The following BCLAF1 variants were observed in gnomAD, a reference collection of about 807,000 sequenced individuals.
The protein encoded by BCLAF1 is BCL2 associated transcription factor 1.
In BCLAF1, 10 loss-of-function variants were observed where a neutral mutation model predicts 99.5. That is an observed-to-expected ratio of 0.10 (90% CI 0.06 to 0.17). The LOEUF (loss-of-function observed/expected upper bound fraction) is 0.17, where lower values mean the gene tolerates loss of function less well. Among genes scored for constraint, BCLAF1 ranks in the 10% least tolerant of loss-of-function variants. The pLI, the probability that BCLAF1 is intolerant of heterozygous loss-of-function variation, is 1.00. For synonymous variants in BCLAF1, 255 were observed against 370.9 expected (o/e 0.69, Z 3.59); for missense variants, 636 against 1,105.8 (o/e 0.58, Z 6.02).
At position 136,272,018 on chromosome 6, in the gene BCLAF1, C is replaced by G. The variant is rs765223388; in HGVS notation, c.2020G>C (p.Val674Leu). 1.9e-6 allele frequency: 3 copies of G among 1,605,218 alleles called. No homozygotes were observed. Among genetic ancestry groups the G allele is most frequent in the Non-Finnish European group, 1.7e-6 (2 of 1,174,554 alleles). Reference sequence around the variant, plus strand: ...ACCTTTTGATTTTCTTCTTTAAAAACTCTCTCTTCCCCTGCTAAACGGGTA... The same window carrying G: ...ACCTTTTGATTTTCTTCTTTAAAAAGTCTCTCTTCCCCTGCTAAACGGGTA... ...KHTRLAGEER[V>L]FKEENQKGDK... Residue 674 changes from valine (V) to leucine (L), a missense_variant, in exon 8 of 13, where the codon GTT becomes CTT. Physicochemically the swap from Val to Leu is conservative, Grantham distance 32. Around this residue, in one of 9 missense-constraint regions of BCLAF1, gnomAD observed 180 missense variants for 270.0 expected, o/e 0.67. Transcript: ENST00000531224.
At chr6:136,274,129 C>T (rs1279629702) in intron 6 of BCLAF1, 1 of 1,288,804 alleles carries the variant, frequency 7.8e-7, no homozygotes, top group African/African-American at 1.5e-5. Context: ...TTGCCTGTAT[C>T]TTTCAACAGC....
Position 136,257,599 on chromosome 6 carries a change from C to A in BCLAF1, c.*3511G>T, listed in dbSNP as rs1306216172. ...CAGTGTACTAATTTTTAGTATCTAC[C>A]CCAATAAAATTTGAAACATTTAATA... On this transcript the variant is annotated 3_prime_UTR_variant, in exon 13 of 13. Coordinates refer to ENST00000531224, the MANE Select transcript of BCLAF1 (RefSeq NM_014739.3). 5 of 151,994 alleles carry A rather than the reference C, an allele frequency of 3.3e-5. No individual in the cohort carries two copies. The highest frequency in any genetic ancestry group is 5.9e-5 in the Non-Finnish European group (4 of 67,946). The allele number at this position is 151,994 out of a possible 1,614,324, so 9.4% of individuals were successfully genotyped here.
chr6:136,271,149 G>C (rs1782477480), intron 8 of BCLAF1, among the ~76,000 whole-genome samples: 1 of 151,678 alleles, frequency 6.6e-6, no homozygotes, highest in Non-Finnish European at 1.5e-5. Context: ...CTGCAAAACA[G>C]ATGCATTCTC....
At chr6:136,271,785 A>G in intron 8 of BCLAF1, 3 of 361,864 alleles carry the variant, frequency 8.3e-6, no homozygotes, top group Non-Finnish European at 5.0e-6. Flanking sequence ...TAGTGTTTTG[A>G]AAAAACACTC....
In BCLAF1 at chr6:136,278,395, C is replaced by G. The variant is rs1347270658; in HGVS notation, c.486G>C (p.Gln162His). ...CTTCAGCTTTTTTGGTTTGTTTTTC[C>G]TGAGACCCTCGTCTTTTAGAAACAG... is the stretch of plus-strand genomic sequence containing the variant. ...KSPVSKRRGS[Q>H]EKQTKKAEGE... The change falls in exon 4 of 13, where the codon CAG becomes CAC. Residue 162 changes from glutamine to histidine, a missense_variant. By Grantham distance (24) the Gln-to-His change is conservative (BLOSUM62 0). Transcript: ENST00000531224. The G allele has an allele frequency of 1.2e-6, 2 of 1,612,438 alleles. No individual in the cohort carries two copies. The highest frequency in any genetic ancestry group is 1.7e-6 in the Non-Finnish European group (2 of 1,179,538).
At chr6:136,262,233 T>C (rs187262967) in intron 11 of BCLAF1, among the ~76,000 whole-genome samples, 1 of 152,290 alleles carries the variant, frequency 6.6e-6, no homozygotes, top group East Asian at 1.9e-4. Flanking sequence ...TGAGTAGAGA[T>C]GGGTATTATA....
In BCLAF1 at chr6:136,272,069, T is replaced by A. The variant is rs764259166; in HGVS notation, c.1969A>T (p.Ile657Phe). 1 of 1,594,328 alleles carries A rather than the reference T, an allele frequency of 6.3e-7. No individual in the cohort carries two copies. Among genetic ancestry groups the A allele is most frequent in the South Asian group, 1.1e-5 (1 of 88,862 alleles). The change falls in exon 8 of 13, where the codon ATC becomes TTC. Residue 657 changes from isoleucine (I) to phenylalanine (F), a missense_variant. Around this residue, in one of 9 missense-constraint regions of BCLAF1, gnomAD observed 180 missense variants for 270.0 expected, o/e 0.67. Transcript: ENST00000531224. Reference protein sequence around the residue: ...KSPEIHRRIDISPSTLRKHTR... With the variant: ...KSPEIHRRIDFSPSTLRKHTR... ...TGCTTCCTCAGGGTACTTGGTGAGA[T>A]GTCAATTCTCCTTAATGTAAAATAA...
At chr6:136,287,242 G>A (rs763722901) in intron 1 of BCLAF1, among the ~76,000 whole-genome samples, 3 of 151,982 alleles carry the variant, frequency 2.0e-5, no homozygotes, top group African/African-American at 4.8e-5. Flanking sequence ...CCAGGGAAGC[G>A]GAGGTTGCAG....
rs1780858171 is a variant in BCLAF1, at chr6:136,260,772, CAG to C, written c.*336_*337del. ...TACTTCAGAATAAAACATTGACAAA[CAG>C]GGAAGGAAGAGAATCAGAACTTTCA... On this transcript the variant is annotated 3_prime_UTR_variant, in exon 13 of 13. Transcript: ENST00000531224. The C allele has an allele frequency of 1.1e-5, 4 of 360,506 alleles. No homozygotes were observed. Among genetic ancestry groups the C allele is most frequent in the Non-Finnish European group, 1.5e-5 (3 of 202,526 alleles). 22.3% of individuals were successfully genotyped at this position (360,506 alleles called of 1,614,324 possible).
At chr6:136,275,729 C>CAA (rs1400451389) in intron 5 of BCLAF1, 28 bp from the exon 6 acceptor site, 1 of 1,567,230 alleles carries the variant, frequency 6.4e-7, no homozygotes, top group Admixed American at 1.9e-5. Context: ...CACACACACA[C>CAA]ACAAAATATA....
rs1782191254 is a variant in BCLAF1 at position 136,269,448 on chromosome 6, G to A, written c.2208C>T (p.Tyr736=). 6.2e-6 allele frequency: 10 copies of A among 1,606,298 alleles called. No homozygotes were observed. The highest frequency in any genetic ancestry group is 8.5e-6 in the Non-Finnish European group (10 of 1,177,066). Residue 736 remains tyrosine, a synonymous_variant, in exon 9 of 13, where the codon TAC becomes TAT. Coordinates refer to ENST00000531224, the MANE Select transcript of BCLAF1 (RefSeq NM_014739.3). ...TPKDYKEYKS[Y]KDDSKHKREQ... ...GTTTGAACAATTACCTGTCATCTTT[G>A]TAAGATTTGTATTCCTTGTAATCTT... is the stretch of plus-strand genomic sequence containing the variant.
chr6:136,280,025 C>T, intron 2 of BCLAF1, 149 bp from the exon 3 acceptor site: 7 of 1,007,494 alleles, frequency 6.9e-6, no homozygotes, highest in Non-Finnish European at 9.1e-6. Context: ...ATTCAGAAGA[C>T]AAGTCAATTA....
chr6:136,286,215 G>C (rs1401420471), intron 1 of BCLAF1, among the ~76,000 whole-genome samples: 1 of 152,098 alleles, frequency 6.6e-6, no homozygotes, highest in East Asian at 1.9e-4. Flanking sequence ...CTTCATTTTA[G>C]CAGGCTCAAG....
At chr6:136,263,278 T>C (rs974656171) in intron 11 of BCLAF1, among the ~76,000 whole-genome samples, 1 of 152,122 alleles carries the variant, frequency 6.6e-6, no homozygotes, top group Non-Finnish European at 1.5e-5. Context: ...AGTATATGAT[T>C]ACCACACCAG....
rs921075161 is a variant in BCLAF1, at chr6:136,289,823, G to C, written c.-225C>G. ...CCATAGAGCTACCTTCGACGCGCTA[G>C]CACGTCTCCGTCACTTCCGATCTGG... On this transcript the variant is annotated 5_prime_UTR_variant, in exon 1 of 13. Coordinates refer to ENST00000531224, the MANE Select transcript of BCLAF1 (RefSeq NM_014739.3). 6.5e-6 allele frequency: 1 copy of C among 152,710 alleles called. No individual in the cohort carries two copies. Among genetic ancestry groups the C allele is most frequent in the Non-Finnish European group, 1.5e-5 (1 of 68,054 alleles). 9.5% of individuals were successfully genotyped at this position (152,710 alleles called of 1,614,324 possible).
chr6:136,274,399 G>A (rs1782966060), intron 6 of BCLAF1, among the ~76,000 whole-genome samples: 1 of 148,892 alleles, frequency 6.7e-6, no homozygotes, highest in African/African-American at 2.5e-5. Flanking sequence ...GGCCAAAAAA[G>A]ATTAAAAAAT....
At chr6:136,286,213 T>C (rs1785108874) in intron 1 of BCLAF1, among the ~76,000 whole-genome samples, 1 of 152,254 alleles carries the variant, frequency 6.6e-6, no homozygotes, top group Non-Finnish European at 1.5e-5. Context: ...GTCTTCATTT[T>C]AGCAGGCTCA....
At chr6:136,270,126 A>C (rs1380419593) in intron 8 of BCLAF1, among the ~76,000 whole-genome samples, 1 of 151,912 alleles carries the variant, frequency 6.6e-6, no homozygotes, top group African/African-American at 2.4e-5. Flanking sequence ...ATAAAAAAAA[A>C]AACTTCAGAA....
At chr6:136,277,009 T>C (rs1036075863) in intron 4 of BCLAF1, among the ~76,000 whole-genome samples, 3 of 152,130 alleles carry the variant, frequency 2.0e-5, no homozygotes, top group African/African-American at 4.8e-5. Flanking sequence ...TCTAGAAAAA[T>C]AATGATTTCT....
Sources: allele counts gnomAD v4.1 joint callset (sites outside exome capture counted in the v4.1 genomes callset), GRCh38; gene constraint gnomAD v4.1.1; regional missense constraint gnomAD v4.1.1; transcripts MANE v1.5; gene names NCBI Gene and HGNC (gene_info 2026-07-23, HGNC 2026-07-21).